GNAS: variants seen among roughly 807,000 people sequenced by gnomAD.
The protein encoded by GNAS is protein ALEX.
A neutral mutation model predicts 54.5 loss-of-function variants in GNAS; 8 were observed. The observed-to-expected ratio is 0.15, with a 90% confidence interval of 0.09 to 0.26. The LOEUF is 0.26. Ranked by LOEUF, GNAS falls within the 10% of genes least tolerant of loss-of-function variation. The pLI is 1.00. For synonymous variants in GNAS, 204 were observed against 191.4 expected (o/e 1.07, Z -0.54); for missense variants, 170 against 529.8 (o/e 0.32, Z 6.67).
At chr20:58,878,914 G>T (rs546810229) in intron 1 of GNAS, among the ~76,000 whole-genome samples, 2,101 of 20,370 alleles carry the variant, frequency 0.1, 41 homozygotes, top group African/African-American at 0.28. Context: ...GGTGCGGGTG[G>T]GGGGGGGAGG....
chr20:58,892,120 A>C (rs2089460457), intron 1 of GNAS: 1 of 965,180 alleles, frequency 1.0e-6, no homozygotes, highest in Non-Finnish European at 1.2e-6. Flanking sequence ...CTGCCCGCTC[A>C]GTGTCTCTCT....
At chr20:58,908,719 C>G (rs1048431838) in intron 6 of GNAS, among the ~76,000 whole-genome samples, 1 of 151,862 alleles carries the variant, frequency 6.6e-6, no homozygotes, top group Admixed American at 6.6e-5. Context: ...GTTTTGGGGT[C>G]CTTTCTCTAC....
At chr20:58,850,644 A>G in intron 1 of GNAS, 4 of 399,254 alleles carry the variant, frequency 1.0e-5, no homozygotes, top group Non-Finnish European at 1.8e-5. Context: ...CCAGCCCTGG[A>G]AATCTTCTTG....
Position 58,854,572 on chromosome 20 carries a change from C to A in GNAS, c.43+13686C>A, listed in dbSNP as rs61749698. ...GATCCCGACTCCGGGGCAGCCCCTG[C>A]CGCCCCAGCCGATCCCGACTCCGGG... On this transcript the variant is annotated intron_variant, in intron 1 of 12. Transcript: ENST00000306090. 47,622 of 1,534,760 alleles carry A rather than the reference C, an allele frequency of 0.031. 1,835 individuals carry two copies. The highest frequency in any genetic ancestry group is 0.19 in the African/African-American group (13,388 of 69,388).
At chr20:58,840,371 G>A (rs762096209), upstream of GNAS, 1 of 1,613,392 alleles carries the variant, frequency 6.2e-7, no homozygotes, top group South Asian at 1.1e-5. The surrounding 1 kb of genome is among the most constrained non-coding windows in gnomAD (Gnocchi z 6.0). Context: ...CCACGAGCAC[G>A]AGGAGGCAGA....
In GNAS at chr20:58,905,406, T is replaced by G; in HGVS notation, c.456T>G (p.Ala152=). The change falls in exon 6 of 13, where the codon GCT becomes GCG. Residue 152 remains alanine, a synonymous_variant. Transcript: ENST00000371085. The part of the protein sequence containing the change: ...FPPEFYEHAK[A]LWEDEGVRAC... ...AGGAATTCTATGAGCATGCCAAGGC[T>G]CTGTGGGAGGATGAAGGAGTGCGTG... 6.2e-7 allele frequency: 1 copy of G among 1,605,560 alleles called. No individual in the cohort carries two copies. The highest frequency in any genetic ancestry group is 1.3e-5 in the African/African-American group (1 of 74,840).
chr20:58,903,618 T>C (rs2146180196), intron 4 of GNAS, 33 bp downstream of exon 4: 1 of 1,614,106 alleles, frequency 6.2e-7, no homozygotes, highest in Non-Finnish European at 8.5e-7. Flanking sequence ...GTCTGTCTTG[T>C]AGCGCCCTCC....
intron 1 of GNAS, among the ~76,000 whole-genome samples, chr20:58,852,082 T>A (rs889080726): frequency 6.6e-6 from 1 of 152,044 alleles, no homozygotes; most frequent in Non-Finnish European, 1.5e-5. Context: ...GGTCCTCCTC[T>A]GCGCAGCACG....
At chr20:58,877,175 A>C (rs2087879057) in intron 1 of GNAS, among the ~76,000 whole-genome samples, 1 of 150,854 alleles carries the variant, frequency 6.6e-6, no homozygotes, top group Non-Finnish European at 1.5e-5. Context: ...TTTACAGAGG[A>C]GGCTCGTGGT....
In GNAS at chr20:58,911,123, CAAAT is replaced by C. The variant is rs1380888835; in HGVS notation, c.*295_*298del. Reference sequence around the variant, plus strand: ...AACAAATAAAATGAAATAAAAGAAACAAATGAAATAAATATTGTGTTGTGCAGCA... The same window carrying C: ...AACAAATAAAATGAAATAAAAGAAACGAAATAAATATTGTGTTGTGCAGCA... On this transcript the variant is annotated 3_prime_UTR_variant, in exon 13 of 13. Transcript: ENST00000371085. The C allele has an allele frequency of 3.2e-5, 18 of 559,476 alleles. No homozygotes were observed. Among genetic ancestry groups the C allele is most frequent in the Admixed American group, 7.6e-5 (3 of 39,678 alleles). 34.7% of individuals were successfully genotyped at this position (559,476 alleles called of 1,614,324 possible).
chr20:58,840,649 C>G, upstream of GNAS: 1 of 1,606,406 alleles, frequency 6.2e-7, no homozygotes, highest in South Asian at 1.1e-5. This position sits in a 1 kb window ranked among gnomAD's most constrained non-coding sequence, Gnocchi z 6.0. Flanking sequence ...CGCCGCCCAG[C>G]ACTCAGGAGC....
chr20:58,877,407 C>T (rs953301108), intron 1 of GNAS, among the ~76,000 whole-genome samples: 4 of 152,166 alleles, frequency 2.6e-5, no homozygotes, highest in Non-Finnish European at 5.9e-5. Context: ...TGCTAGCTTC[C>T]CCCTTTCCTT....
chr20:58,909,589 T>G lies in GNAS; in HGVS notation c.718+10T>G. 6.2e-7 allele frequency: 1 copy of G among 1,614,180 alleles called. No homozygotes were observed. Among genetic ancestry groups the G allele is most frequent in the East Asian group, 2.2e-5 (1 of 44,890 alleles). On this transcript the variant is annotated intron_variant, in intron 9 of 12. Transcript: ENST00000371085. This position sits in a 1 kb window ranked among gnomAD's most constrained non-coding sequence, Gnocchi z 7.3. ...ATCCAGTGCTTCAACGGTAGGATGC[T>G]GTGGGCTTGGCTGTTCGTAAAGAAC...
Position 58,907,296 on chromosome 20 carries a change from G to A in GNAS, c.530+1816G>A, listed in dbSNP as rs112564652. ...CAAGCAAATGTGTATATTTTTTCAAGGAACAGAAAAAAACAGTCCATCTTG... is the reference window on the plus strand; with the variant it reads ...CAAGCAAATGTGTATATTTTTTCAAAGAACAGAAAAAAACAGTCCATCTTG... On this transcript the variant is annotated intron_variant, in intron 6 of 12. Transcript: ENST00000371085. Among the ~76,000 whole-genome samples, 908 of 152,098 alleles carry A rather than the reference G, an allele frequency of 6.0e-3. 20 individuals carry two copies. The highest frequency in any genetic ancestry group is 0.021 in the African/African-American group (871 of 41,514).
chr20:58,909,618 T>G lies in GNAS; in HGVS notation c.718+39T>G, dbSNP rs2091308041. 6.2e-7 allele frequency: 1 copy of G among 1,614,140 alleles called. No individual in the cohort carries two copies. Among genetic ancestry groups the G allele is most frequent in the Admixed American group, 1.7e-5 (1 of 60,030 alleles). ...GGCTTGGCTGTTCGTAAAGAACGCT[T>G]TGCTTCTGTGTTGTTAGGGATCAGG... On this transcript the variant is annotated intron_variant, in intron 9 of 12. Coordinates refer to ENST00000371085, the MANE Select transcript of GNAS (RefSeq NM_000516.7). The surrounding 1 kb of genome is among the most constrained non-coding windows in gnomAD (Gnocchi z 7.3).
upstream of GNAS, among the ~76,000 whole-genome samples, chr20:58,890,079 C>G (rs1279132084): frequency 1.3e-5 from 2 of 151,690 alleles, no homozygotes; most frequent in Admixed American, 1.3e-4. Flanking sequence ...GCGGGAGGCG[C>G]TCCCCGAAAA....
intron 1 of GNAS, chr20:58,855,403 C>T (rs984134017): frequency 7.2e-7 from 1 of 1,386,652 alleles, no homozygotes; most frequent in Non-Finnish European, 1.0e-6. Context: ...GCAGGGCTGC[C>T]TGGTGGGGCT....
At position 58,909,286 on chromosome 20, in the gene GNAS, G is replaced by A. The variant is rs2146267055; in HGVS notation, c.586-64G>A. ...CAAACTACTCCAGACCTTTGCTTTAGATTGGCAATTATTACTGTTTCGGTT... is the reference window on the plus strand; with the variant it reads ...CAAACTACTCCAGACCTTTGCTTTAAATTGGCAATTATTACTGTTTCGGTT... On this transcript the variant is annotated intron_variant, in intron 7 of 12. Transcript: ENST00000371085. The surrounding 1 kb of genome is among the most constrained non-coding windows in gnomAD (Gnocchi z 7.3). 1 of 1,589,764 alleles carries A rather than the reference G, an allele frequency of 6.3e-7. No homozygotes were observed. The highest frequency in any genetic ancestry group is 1.1e-5 in the South Asian group (1 of 90,602).
chr20:58,889,301 G>A, upstream of GNAS: 1 of 989,984 alleles, frequency 1.0e-6, no homozygotes, highest in Non-Finnish European at 1.2e-6. Context: ...GCGCGGGGCG[G>A]CGGCGGGCGG....
Sources: gnomAD v4.1 joint callset for allele counts (sites outside exome capture counted in the v4.1 genomes callset) on GRCh38, gnomAD v4.1.1 for gene constraint, Gnocchi (gnomAD v3.1) non-coding constraint, MANE v1.5 for transcripts, NCBI Gene and HGNC (gene_info 2026-07-23, HGNC 2026-07-21) for gene names.